The following CNTNAP5 variants were observed in gnomAD, a reference collection of about 807,000 sequenced individuals.
CNTNAP5 encodes the protein contactin associated protein family member 5, also known as contactin-associated protein-like 5.
Under a neutral mutation model 150.2 loss-of-function variants are expected in CNTNAP5, and 72 were observed. That is an observed-to-expected ratio of 0.48 (90% CI 0.40 to 0.58). CNTNAP5 has a LOEUF of 0.58. Among genes scored for constraint, CNTNAP5 ranks in the 20% least tolerant of loss-of-function variants. The pLI is 0.00. For missense variants in CNTNAP5, 1,636 were observed against 1,626.2 expected, an observed-to-expected ratio of 1.01 and a Z score of -0.10; for synonymous variants, 672 against 619.8, an observed-to-expected ratio of 1.08 and a Z score of -1.25.
At chr2:124,707,983 G>C (rs1679728488) in intron 13 of CNTNAP5, among the ~76,000 whole-genome samples, 1 of 152,176 alleles carries the variant, frequency 6.6e-6, no homozygotes, top group South Asian at 2.1e-4. Context: ...AGAAACTGCT[G>C]AAGTGAATAC....
At chr2:124,211,618 C>T (rs1018955262) in intron 1 of CNTNAP5, among the ~76,000 whole-genome samples, 7 of 152,138 alleles carry the variant, frequency 4.6e-5, no homozygotes, top group Admixed American at 1.3e-4. Context: ...CATCTACATA[C>T]ACCAGTAAAG....
At chr2:124,227,414 C>T (rs545392219) in intron 2 of CNTNAP5, among the ~76,000 whole-genome samples, 1 of 152,274 alleles carries the variant, frequency 6.6e-6, no homozygotes, top group South Asian at 2.1e-4. Flanking sequence ...TTTACACACA[C>T]ACTCCCTCTC....
At chr2:124,829,908 A>C (rs750387276) in intron 19 of CNTNAP5, among the ~76,000 whole-genome samples, 1 of 151,870 alleles carries the variant, frequency 6.6e-6, no homozygotes, top group Non-Finnish European at 1.5e-5. Flanking sequence ...CATCAGAAAA[A>C]TCAAACTTTT....
At chr2:124,707,772 CA>C (rs1281556437) in intron 13 of CNTNAP5, among the ~76,000 whole-genome samples, 1 of 152,058 alleles carries the variant, frequency 6.6e-6, no homozygotes, top group Non-Finnish European at 1.5e-5. Context: ...TTTCTGGATT[CA>C]AAAAGAATTG....
chr2:124,151,226 G>A (rs1684399146), intron 1 of CNTNAP5, among the ~76,000 whole-genome samples: 1 of 152,148 alleles, frequency 6.6e-6, no homozygotes, highest in African/African-American at 2.4e-5. Flanking sequence ...GAACCTTGTG[G>A]CCAGTGTCAG....
chr2:124,828,781 T>C (rs540999817), intron 19 of CNTNAP5, among the ~76,000 whole-genome samples: 3 of 118,236 alleles, frequency 2.5e-5, no homozygotes, highest in Admixed American at 9.0e-5. Context: ...AATCAATCAC[T>C]TAAATCATTA....
At chr2:124,097,860 C>G (rs1317659825) in intron 1 of CNTNAP5, among the ~76,000 whole-genome samples, 2 of 152,162 alleles carry the variant, frequency 1.3e-5, no homozygotes, top group East Asian at 3.9e-4. Flanking sequence ...AACCCCGTCT[C>G]TACTAAAAAT....
At chr2:124,249,220 TA>T (rs1687107656) in intron 3 of CNTNAP5, among the ~76,000 whole-genome samples, 1 of 152,040 alleles carries the variant, frequency 6.6e-6, no homozygotes, top group Non-Finnish European at 1.5e-5. Flanking sequence ...AGGAAGAAAA[TA>T]AAAATGTTTT....
intron 1 of CNTNAP5, among the ~76,000 whole-genome samples, chr2:124,202,104 A>G (rs916526793): frequency 4.6e-5 from 7 of 152,166 alleles, no homozygotes; most frequent in African/African-American, 1.7e-4. Context: ...ATATCAGGAT[A>G]TTTATGCTGT....
intron 1 of CNTNAP5, among the ~76,000 whole-genome samples, chr2:124,113,114 A>G (rs997240041): frequency 1.3e-5 from 2 of 152,166 alleles, no homozygotes; most frequent in African/African-American, 4.8e-5. Flanking sequence ...AAATGTGTAT[A>G]CCCACATCCC....
At chr2:124,508,847 A>C (rs796428886) in intron 8 of CNTNAP5, among the ~76,000 whole-genome samples, 5 of 152,364 alleles carry the variant, frequency 3.3e-5, no homozygotes, top group African/African-American at 1.2e-4. Context: ...ACTAACAAAT[A>C]ATCAAACAAA....
chr2:124,133,652 T>C (rs1415305006), intron 1 of CNTNAP5, among the ~76,000 whole-genome samples: 1 of 152,114 alleles, frequency 6.6e-6, no homozygotes, highest in African/African-American at 2.4e-5. Flanking sequence ...GCACTGACTT[T>C]CTGTGGAGCA....
chr2:124,632,467 A>C (rs1677884152), intron 12 of CNTNAP5, among the ~76,000 whole-genome samples: 2 of 151,664 alleles, frequency 1.3e-5, no homozygotes, highest in Non-Finnish European at 2.9e-5. Context: ...AAAACCAAAC[A>C]CTACATGTTC....
At chr2:124,822,767 A>G (rs1682517354) in intron 19 of CNTNAP5, among the ~76,000 whole-genome samples, 1 of 152,194 alleles carries the variant, frequency 6.6e-6, no homozygotes, top group Non-Finnish European at 1.5e-5. Context: ...CTTGGCTTGC[A>G]TGGAAAACTT....
intron 1 of CNTNAP5, among the ~76,000 whole-genome samples, chr2:124,160,233 G>A (rs1684643589): frequency 6.6e-6 from 1 of 152,150 alleles, no homozygotes; most frequent in South Asian, 2.1e-4. Context: ...GAAGGTAGGA[G>A]AAGACCAAGG....
At chr2:124,872,374 CTGTG>C (rs56024878) in intron 21 of CNTNAP5, among the ~76,000 whole-genome samples, 26,286 of 139,128 alleles carry the variant, frequency 0.19, 2,824 homozygotes, top group African/African-American at 0.32. Flanking sequence ...TTTCCTTATG[CTGTG>C]TGTGTGTGTG....
At chr2:124,079,787 A>C (rs995506200) in intron 1 of CNTNAP5, among the ~76,000 whole-genome samples, 5 of 152,172 alleles carry the variant, frequency 3.3e-5, no homozygotes, top group Non-Finnish European at 7.3e-5. Context: ...GACATGGATA[A>C]GAAACTTGGA....
At position 124,909,843 on chromosome 2, in the gene CNTNAP5, A is replaced by ATG. The variant is rs1219033515; in HGVS notation, c.3656-1623_3656-1622insGT. On this transcript the variant is annotated intron_variant, in intron 22 of 23. Transcript: ENST00000682447. ...ATTGGTGACATATATATATATATAT[A>ATG]TATATATATATATATGTTCTTCTCC... Among the ~76,000 whole-genome samples, 64 of 141,170 alleles carry ATG rather than the reference A, an allele frequency of 4.5e-4. 1 individual carries two copies. Among genetic ancestry groups the ATG allele is most frequent in the Middle Eastern group, 3.3e-3 (1 of 300 alleles). 92.6% of individuals were successfully genotyped at this position (141,170 alleles called of 152,430 possible). A position where few individuals can be genotyped will look rare whatever the true frequency, so the allele number is the denominator to read the frequency against.
intron 1 of CNTNAP5, among the ~76,000 whole-genome samples, chr2:124,159,005 C>G (rs981311571): frequency 1.3e-5 from 2 of 152,166 alleles, no homozygotes; most frequent in African/African-American, 4.8e-5. Flanking sequence ...TCTTAATGGT[C>G]ATTTCAAACC....
Sources: allele counts gnomAD v4.1 joint callset (sites outside exome capture counted in the v4.1 genomes callset), GRCh38; gene constraint gnomAD v4.1.1; transcripts MANE v1.5; gene names NCBI Gene and HGNC (gene_info 2026-07-23, HGNC 2026-07-21).